Variants in HDAC9 observed in about 807,000 individuals in gnomAD.
HDAC9 encodes the protein histone deacetylase 9, also known as MEF-2 interacting transcription repressor (MITR) protein.
Under a neutral mutation model 139.4 loss-of-function variants are expected in HDAC9, and 41 were observed. The observed-to-expected ratio is 0.29, with a 90% CI of 0.23 to 0.38. HDAC9 has a LOEUF of 0.38. Ranked by LOEUF, HDAC9 falls within the 10% of genes least tolerant of loss-of-function variation. HDAC9 has a pLI of 1.00. For missense variants in HDAC9, 1,147 were observed against 1,297.0 expected, an observed-to-expected ratio of 0.88 and a Z score of 1.78; for synonymous variants, 517 against 476.2, an observed-to-expected ratio of 1.09 and a Z score of -1.12.
intron 16 of HDAC9, among the ~76,000 whole-genome samples, chr7:18,786,478 C>T (rs1416325999): frequency 3.1e-3 from 241 of 76,678 alleles, no homozygotes; most frequent in African/African-American, 7.4e-3. Context: ...TTCGTCCTTC[C>T]TTCCTTTCTT....
At chr7:18,407,755 C>A (rs2162565) in intron 1 of HDAC9, among the ~76,000 whole-genome samples, 8,994 of 152,230 alleles carry the variant, frequency 0.059, 288 homozygotes, top group African/African-American at 0.099. Context: ...ATTAAGACTG[C>A]ACTCCGGAGA....
At chr7:18,371,303 A>G (rs1243377110) in intron 1 of HDAC9, among the ~76,000 whole-genome samples, 1 of 152,166 alleles carries the variant, frequency 6.6e-6, no homozygotes, top group Non-Finnish European at 1.5e-5. Flanking sequence ...TTTTTCCTGT[A>G]GAAAGTATGT....
intron 1 of HDAC9, among the ~76,000 whole-genome samples, chr7:18,484,399 G>A (rs1795816458): frequency 6.6e-6 from 1 of 151,458 alleles, no homozygotes; most frequent in South Asian, 2.1e-4. Flanking sequence ...CATAGAACTT[G>A]ATAATCATGG....
chr7:18,138,232 T>A (rs892143555), intron 1 of HDAC9, among the ~76,000 whole-genome samples: 2 of 152,150 alleles, frequency 1.3e-5, no homozygotes, highest in African/African-American at 2.4e-5. Flanking sequence ...GTCTATCAAT[T>A]TTGTTGATCC....
chr7:18,923,660 C>G (rs1269701228), intron 22 of HDAC9, among the ~76,000 whole-genome samples: 1 of 152,026 alleles, frequency 6.6e-6, no homozygotes, highest in Non-Finnish European at 1.5e-5. Flanking sequence ...AATACTCTAT[C>G]TTTACCATTA....
intron 6 of HDAC9, among the ~76,000 whole-genome samples, chr7:18,595,546 C>G (rs1414513433): frequency 3.9e-5 from 6 of 151,976 alleles, no homozygotes; most frequent in Admixed American, 6.6e-5. Flanking sequence ...TATGCAGATA[C>G]TACCCCAGGT....
chr7:18,117,733 T>C (rs1013105656), intron 1 of HDAC9, among the ~76,000 whole-genome samples: 2 of 152,188 alleles, frequency 1.3e-5, no homozygotes, highest in Non-Finnish European at 2.9e-5. Flanking sequence ...GACACCTTGA[T>C]TTCAGACTTC....
intron 9 of HDAC9, among the ~76,000 whole-genome samples, chr7:18,647,431 A>G (rs1030566929): frequency 4.3e-4 from 65 of 152,274 alleles, no homozygotes; most frequent in African/African-American, 1.5e-3. Context: ...AAATTTTCAC[A>G]TGTACAATAT....
At chr7:18,313,773 C>A (rs1350113820) in intron 1 of HDAC9, among the ~76,000 whole-genome samples, 1 of 152,128 alleles carries the variant, frequency 6.6e-6, no homozygotes, top group Non-Finnish European at 1.5e-5. Context: ...TTTGTTAAAT[C>A]ATGTGGGCTG....
chr7:18,756,900 A>G (rs1788929413), intron 14 of HDAC9, among the ~76,000 whole-genome samples: 1 of 150,344 alleles, frequency 6.7e-6, no homozygotes, highest in Admixed American at 6.6e-5. Context: ...TATGAGAAAA[A>G]CTCTGAGAAG....
At chr7:18,780,184 A>T (rs1419919849) in intron 16 of HDAC9, among the ~76,000 whole-genome samples, 1 of 152,042 alleles carries the variant, frequency 6.6e-6, no homozygotes, top group Non-Finnish European at 1.5e-5. Flanking sequence ...CAAATCATTG[A>T]AATGACTGGG....
chr7:18,136,673 T>C (rs899575474), intron 1 of HDAC9, among the ~76,000 whole-genome samples: 6 of 152,146 alleles, frequency 3.9e-5, no homozygotes, highest in Admixed American at 2.0e-4. Flanking sequence ...ATCTCTGTTT[T>C]GGTACCAGTA....
intron 2 of HDAC9, among the ~76,000 whole-genome samples, chr7:18,192,016 C>A (rs560942490): frequency 6.6e-6 from 1 of 152,102 alleles, no homozygotes; most frequent in Non-Finnish European, 1.5e-5. Context: ...TAGAAAAAAA[C>A]CCTTAATTGT....
chr7:18,931,981 A>T (rs1414679238), intron 22 of HDAC9, among the ~76,000 whole-genome samples: 1 of 152,166 alleles, frequency 6.6e-6, no homozygotes, highest in African/African-American at 2.4e-5. Flanking sequence ...GTGAACCTCA[A>T]CTATACTTTA....
At chr7:18,798,857 A>G (rs1298866768) in intron 17 of HDAC9, among the ~76,000 whole-genome samples, 5 of 152,166 alleles carry the variant, frequency 3.3e-5, no homozygotes, top group Non-Finnish European at 7.3e-5. Flanking sequence ...ATTCCTAAGA[A>G]TCTAGAAAGC....
chr7:18,447,210 A>T (rs1244503161), intron 1 of HDAC9, among the ~76,000 whole-genome samples: 3 of 152,146 alleles, frequency 2.0e-5, no homozygotes, highest in Non-Finnish European at 4.4e-5. Context: ...AATAACAGAG[A>T]GTTTAAAATT....
At position 18,938,437 on chromosome 7, in the gene HDAC9, T is replaced by C. The variant is rs548933409; in HGVS notation, c.2937+2495T>C. On this transcript the variant is annotated intron_variant, in intron 23 of 25. Transcript: ENST00000686413. ...TGTGAAACCCTGTCTCTACTAAAAA[T>C]ACAAAAAATTAGCGGGGCGTGTTGG... 1.3e-5 allele frequency among the ~76,000 whole-genome samples: 2 copies of C among 151,508 alleles called. 1 individual carries two copies.
At chr7:18,834,581 G>A (rs927869736) in intron 19 of HDAC9, among the ~76,000 whole-genome samples, 1 of 148,786 alleles carries the variant, frequency 6.7e-6, no homozygotes, top group African/African-American at 2.5e-5. Context: ...AAGGAGAAAA[G>A]AGCAGGAAGA....
intron 2 of HDAC9, among the ~76,000 whole-genome samples, chr7:18,550,500 C>T (rs143423384): frequency 2.2e-3 from 327 of 152,086 alleles, no homozygotes; most frequent in African/African-American, 7.3e-3. Context: ...GAGGAGGAGA[C>T]AGAAACAAAA....
Sources: allele counts gnomAD v4.1 joint callset (sites outside exome capture counted in the v4.1 genomes callset), GRCh38; gene constraint gnomAD v4.1.1; transcripts MANE v1.5; gene names NCBI Gene and HGNC (gene_info 2026-07-23, HGNC 2026-07-21).